Variants in ANKRD17 observed in about 807,000 individuals in gnomAD.
ANKRD17 encodes the protein ankyrin repeat domain 17.
A neutral mutation model predicts 229.7 loss-of-function variants in ANKRD17; 19 were observed. The observed-to-expected ratio is 0.08, with a 90% CI of 0.06 to 0.12. The LOEUF (loss-of-function observed/expected upper bound fraction) is 0.12, where lower values mean the gene tolerates loss of function less well. ANKRD17 is among the 10% of genes least tolerant of loss of function. The pLI is 1.00. For missense variants in ANKRD17, 2,176 were observed against 3,176.8 expected (o/e 0.68, Z 7.57); for synonymous variants, 1,112 against 1,146.1 (o/e 0.97, Z 0.60).
intron 30 of ANKRD17, among the ~76,000 whole-genome samples, chr4:73,082,429 C>T (rs1160531984): frequency 2.0e-5 from 3 of 151,994 alleles, no homozygotes; most frequent in Non-Finnish European, 2.9e-5. Flanking sequence ...TTGATTGAGG[C>T]TGCAGTAAGC....
At chr4:73,255,341 T>C (rs965385499) in intron 1 of ANKRD17, among the ~76,000 whole-genome samples, 9 of 152,260 alleles carry the variant, frequency 5.9e-5, no homozygotes, top group African/African-American at 2.2e-4. Flanking sequence ...TGTATTTTTG[T>C]TAAATTAAAG....
intron 23 of ANKRD17, 92 bp from the exon 24 acceptor site, chr4:73,114,000 C>A: frequency 2.5e-6 from 2 of 797,650 alleles, no homozygotes; most frequent in South Asian, 1.8e-5. Context: ...GTAAGGTACT[C>A]AAACCTAAGC....
intron 1 of ANKRD17, among the ~76,000 whole-genome samples, chr4:73,232,703 GCCA>G (rs1041643437): frequency 6.6e-6 from 1 of 151,890 alleles, no homozygotes; most frequent in Non-Finnish European, 1.5e-5. Flanking sequence ...CTAGGTAGAG[GCCA>G]CCACATGTCT....
chr4:73,204,232 G>A (rs1739119093), intron 1 of ANKRD17, among the ~76,000 whole-genome samples: 1 of 151,214 alleles, frequency 6.6e-6, no homozygotes, highest in African/African-American at 2.4e-5. Context: ...GTGGTGGCGG[G>A]CTCCTGTAGT....
intron 1 of ANKRD17, among the ~76,000 whole-genome samples, chr4:73,201,449 GA>G (rs1045239591): frequency 3.4e-5 from 5 of 146,796 alleles, no homozygotes; most frequent in South Asian, 2.1e-4. Context: ...TAATAAAATA[GA>G]AAAAAAAACT....
rs1451732285 is a variant in ANKRD17 at position 73,124,915 on chromosome 4, C to T, written c.3490G>A (p.Glu1164Lys). The T allele has an allele frequency of 6.2e-7, 1 of 1,613,828 alleles. No homozygotes were observed. The highest frequency in any genetic ancestry group is 8.5e-7 in the Non-Finnish European group (1 of 1,179,974). The change falls in exon 18 of 34, where the codon GAG (glutamate) becomes AAG (lysine). Residue 1164 changes from glutamate to lysine, a missense_variant and splice_region_variant. Transcript: ENST00000358602. ...LSLACSGGRQ[E>K]VVELLLARGA... ...ATTACACTAAGGGGAAACATTACCT[C>T]CTGTCTTCCCCCAGAACAAGCCAAG...
chr4:73,129,117 G>A (rs1727846860), intron 16 of ANKRD17, among the ~76,000 whole-genome samples: 1 of 152,102 alleles, frequency 6.6e-6, no homozygotes, highest in Non-Finnish European at 1.5e-5. Flanking sequence ...GGAGATAGAT[G>A]TCCAGAGCTT....
intron 30 of ANKRD17, among the ~76,000 whole-genome samples, chr4:73,084,874 T>C (rs1482758544): frequency 2.0e-5 from 3 of 152,020 alleles, no homozygotes; most frequent in Admixed American, 2.0e-4. Context: ...CAAGGATTAA[T>C]TTTTTTCCCC....
chr4:73,250,554 C>A (rs1270846586), intron 1 of ANKRD17, among the ~76,000 whole-genome samples: 2 of 124,710 alleles, frequency 1.6e-5, no homozygotes, highest in Non-Finnish European at 3.2e-5. Flanking sequence ...GAGCCGAGAG[C>A]ACGCCACTGC....
At chr4:73,217,997 T>TTG (rs933640120) in intron 1 of ANKRD17, among the ~76,000 whole-genome samples, 1 of 151,962 alleles carries the variant, frequency 6.6e-6, no homozygotes, top group Non-Finnish European at 1.5e-5. Flanking sequence ...GTGTGTATGT[T>TTG]TGTGTGTGTG....
At chr4:73,256,670 C>T (rs1171920484) in intron 1 of ANKRD17, among the ~76,000 whole-genome samples, 1 of 152,170 alleles carries the variant, frequency 6.6e-6, no homozygotes, top group African/African-American at 2.4e-5. Context: ...AAGAATCATA[C>T]AATTGAATGA....
intron 16 of ANKRD17, among the ~76,000 whole-genome samples, chr4:73,134,726 G>A (rs1728669970): frequency 6.6e-6 from 1 of 151,984 alleles, no homozygotes; most frequent in African/African-American, 2.4e-5. Flanking sequence ...TCATGTGTAT[G>A]ACATACAAAA....
At chr4:73,146,042 C>T (rs1730242716) in intron 10 of ANKRD17, among the ~76,000 whole-genome samples, 2 of 151,928 alleles carry the variant, frequency 1.3e-5, no homozygotes, top group African/African-American at 4.8e-5. Flanking sequence ...ATGTCTTATT[C>T]CTTTTACCCC....
intron 1 of ANKRD17, chr4:73,223,131 A>T: frequency 1.5e-6 from 2 of 1,301,502 alleles, no homozygotes; most frequent in Non-Finnish European, 2.1e-6. Context: ...ATGTTCTATT[A>T]CATGCCTAAA....
intron 30 of ANKRD17, among the ~76,000 whole-genome samples, chr4:73,083,961 C>A (rs1015282381): frequency 1.2e-4 from 18 of 146,414 alleles, no homozygotes; most frequent in Non-Finnish European, 2.0e-4. Flanking sequence ...AAAAAAAAAA[C>A]CGAAGTCTTA....
At chr4:73,209,666 A>G (rs1206403639) in intron 1 of ANKRD17, among the ~76,000 whole-genome samples, 2 of 152,214 alleles carry the variant, frequency 1.3e-5, no homozygotes, top group Non-Finnish European at 2.9e-5. Flanking sequence ...TACAAGAAAA[A>G]TAAAGAGCAC....
intron 25 of ANKRD17, chr4:73,101,315 C>G: frequency 2.9e-6 from 2 of 687,936 alleles, no homozygotes; most frequent in Non-Finnish European, 3.6e-6. Context: ...ATTTATAATA[C>G]CTAAAATGGT....
chr4:73,230,894 ATAGGTTC>A (rs1189771792), intron 1 of ANKRD17, among the ~76,000 whole-genome samples: 1 of 152,186 alleles, frequency 6.6e-6, no homozygotes, highest in African/African-American at 2.4e-5. Flanking sequence ...GCATTTCACA[ATAGGTTC>A]TATGTACACA....
chr4:73,254,898 T>C (rs1192354870), intron 1 of ANKRD17, among the ~76,000 whole-genome samples: 1 of 152,228 alleles, frequency 6.6e-6, no homozygotes, highest in Non-Finnish European at 1.5e-5. Context: ...TTTCTTGTAA[T>C]AGTCAAAAGC....
Sources: gnomAD v4.1 joint callset for allele counts (sites outside exome capture counted in the v4.1 genomes callset) on GRCh38, gnomAD v4.1.1 for gene constraint, MANE v1.5 for transcripts, NCBI Gene and HGNC (gene_info 2026-07-23, HGNC 2026-07-21) for gene names.